Variants in PDE10A observed in about 807,000 individuals in gnomAD.
The protein encoded by PDE10A is phosphodiesterase 10A, also known as cAMP and cAMP-inhibited cGMP 3',5'-cyclic phosphodiesterase 10A.
PDE10A carries 39 observed loss-of-function variants against 97.7 expected under a neutral mutation model. The ratio of observed to expected loss-of-function variants is 0.40; its 90% CI spans 0.31 to 0.52. The LOEUF (loss-of-function observed/expected upper bound fraction) is 0.52. Ranked by LOEUF, PDE10A falls within the 20% of genes least tolerant of loss-of-function variation. The probability of loss-of-function intolerance (pLI) is 0.56; values close to 1 mark genes in which losing one functional copy is unlikely to be tolerated. For missense variants in PDE10A, 731 were observed against 1,047.8 expected, an observed-to-expected ratio of 0.70 and a Z score of 4.17; for synonymous variants, 371 against 376.8, an observed-to-expected ratio of 0.98 and a Z score of 0.18.
chr6:165,432,289 G>A (rs1789629726), intron 7 of PDE10A, among the ~76,000 whole-genome samples: 1 of 152,164 alleles, frequency 6.6e-6, no homozygotes, highest in Admixed American at 6.5e-5. Context: ...GTTCAGGGAG[G>A]GCCTTATAGA....
At chr6:165,689,972 C>T (rs1791227058) in intron 1 of PDE10A, among the ~76,000 whole-genome samples, 2 of 152,280 alleles carry the variant, frequency 1.3e-5, no homozygotes, top group South Asian at 2.1e-4. Context: ...AAGTAAGATA[C>T]TTTAATTTCA....
At position 165,853,094 on chromosome 6, in the gene PDE10A, C is replaced by T. The variant is rs533649148; in HGVS notation, c.-615+134435G>A. Among the ~76,000 whole-genome samples, 4 of 152,346 alleles carry T rather than the reference C, an allele frequency of 2.6e-5. No homozygotes were observed. The South Asian group carries it at 6.2e-4, about 24-fold the overall frequency. ...CCTCATTTTGCATCTTCTCTGAACA[C>T]GGTATCTGCTGTCGACCCGGAGTCT... On this transcript the variant is annotated intron_variant, in intron 1 of 19. Coordinates refer to the PDE10A transcript ENST00000366882.
At chr6:165,659,517 C>G (rs1315326879) in intron 1 of PDE10A, among the ~76,000 whole-genome samples, 4 of 152,224 alleles carry the variant, frequency 2.6e-5, no homozygotes, top group Admixed American at 6.5e-5. Context: ...ATTGGCTACT[C>G]TCTTTTAATA....
At chr6:165,652,792 A>G (rs1310870357) in intron 1 of PDE10A, among the ~76,000 whole-genome samples, 1 of 152,222 alleles carries the variant, frequency 6.6e-6, no homozygotes. Flanking sequence ...ATATTCAAAC[A>G]CGTCAGCCCT....
intron 1 of PDE10A, among the ~76,000 whole-genome samples, chr6:165,767,689 A>C (rs1216783859): frequency 6.6e-6 from 1 of 152,164 alleles, no homozygotes; most frequent in Non-Finnish European, 1.5e-5. Flanking sequence ...TCATTATTTG[A>C]TAGACATTTG....
intron 1 of PDE10A, among the ~76,000 whole-genome samples, chr6:165,946,459 A>G (rs543739642): frequency 6.6e-6 from 1 of 151,518 alleles, no homozygotes; most frequent in Non-Finnish European, 1.5e-5. Context: ...GCGCCACTGC[A>G]CTCCAGCCTG....
chr6:165,357,594 A>G (rs1239954368), intron 18 of PDE10A, among the ~76,000 whole-genome samples: 1 of 152,096 alleles, frequency 6.6e-6, no homozygotes, highest in African/African-American at 2.4e-5. Context: ...GTTCAAGTAT[A>G]GTAAGCTGGA....
chr6:165,621,858 T>C lies in PDE10A; in HGVS notation c.865+40089A>G, dbSNP rs1322765478. The stretch of plus-strand genomic sequence containing the variant: ...CTCCCTCACATGGTATCACAGCCAC[T>C]GCCTTCTCACTGTGATGGTTAACTC... On this transcript the variant is annotated intron_variant, in intron 1 of 21. Transcript: ENST00000539869. 2.0e-5 allele frequency among the ~76,000 whole-genome samples: 3 copies of C among 152,178 alleles called. No individual in the cohort carries two copies. In the East Asian group the frequency reaches 5.8e-4, roughly 29 times the overall value.
chr6:165,843,748 C>T (rs998214106), intron 1 of PDE10A, among the ~76,000 whole-genome samples: 16 of 152,148 alleles, frequency 1.1e-4, no homozygotes, highest in East Asian at 3.9e-4. Flanking sequence ...GGAATGTTGG[C>T]GCGACAGGTG....
intron 1 of PDE10A, among the ~76,000 whole-genome samples, chr6:165,683,573 A>G (rs1200785708): frequency 6.6e-6 from 1 of 152,136 alleles, no homozygotes; most frequent in East Asian, 1.9e-4. Context: ...GTTCCAAATA[A>G]CTGAATATTA....
intron 10 of PDE10A, among the ~76,000 whole-genome samples, chr6:165,419,511 G>A (rs894657970): frequency 2.6e-5 from 4 of 152,156 alleles, no homozygotes; most frequent in African/African-American, 9.7e-5. Flanking sequence ...GTAAATGGTA[G>A]CAGTATTTGA....
At chr6:165,567,993 C>CCTTTTTTTTTTTTTTTTT (rs370865492) in intron 1 of PDE10A, among the ~76,000 whole-genome samples, 1 of 115,602 alleles carries the variant, frequency 8.7e-6, no homozygotes. Flanking sequence ...CGCAACAAGG[C>CCTTTTTTTTTTTTTTTTT]ATTTTTTTTT....
intron 1 of PDE10A, among the ~76,000 whole-genome samples, chr6:165,923,060 C>G (rs1234147328): frequency 1.3e-5 from 2 of 152,160 alleles, no homozygotes; most frequent in Admixed American, 1.3e-4. Context: ...GTACTATTAA[C>G]AAAGCACTCT....
At chr6:165,659,221 G>A (rs1040385807) in intron 1 of PDE10A, among the ~76,000 whole-genome samples, 1 of 151,774 alleles carries the variant, frequency 6.6e-6, no homozygotes, top group Admixed American at 6.6e-5. Flanking sequence ...ACAGTAACTG[G>A]ACAAAACAGC....
At chr6:165,737,786 C>T (rs771345442) in intron 1 of PDE10A, among the ~76,000 whole-genome samples, 3 of 152,144 alleles carry the variant, frequency 2.0e-5, no homozygotes, top group Non-Finnish European at 4.4e-5. Context: ...CAATACAGTA[C>T]TAGAAGTCCT....
At position 165,482,479 on chromosome 6, in the gene PDE10A, A is replaced by AT. The variant is rs375946235; in HGVS notation, c.995-137dup. On this transcript the variant is annotated intron_variant, in intron 2 of 21. Coordinates refer to ENST00000539869, the MANE Select transcript of PDE10A (RefSeq NM_001385079.1). ...TCCTCTTACGAAATCTATGAATTTG[A>AT]TTTTTTAAACTGTAAAGGTTGAACA... The AT allele has an allele frequency of 2.7e-4, 194 of 710,956 alleles. No homozygotes were observed. In the African/African-American group the frequency reaches 3.0e-3, roughly 11 times the overall value. The allele number at this position is 710,956 out of a possible 1,614,324, so 44.0% of individuals were successfully genotyped here. A position where few individuals can be genotyped will look rare whatever the true frequency, so the allele number is the denominator to read the frequency against.
intron 1 of PDE10A, among the ~76,000 whole-genome samples, chr6:165,690,448 C>T (rs960161797): frequency 1.3e-5 from 2 of 152,194 alleles, no homozygotes; most frequent in Non-Finnish European, 2.9e-5. Flanking sequence ...CTGCCTTCAG[C>T]CTGGCTCTCC....
At chr6:165,699,828 A>C (rs888902326) in intron 1 of PDE10A, among the ~76,000 whole-genome samples, 2 of 152,184 alleles carry the variant, frequency 1.3e-5, no homozygotes, top group African/African-American at 4.8e-5. Flanking sequence ...ACGCAGCTAA[A>C]ACAGTGCTTA....
At chr6:165,513,467 C>T (rs893164234) in intron 2 of PDE10A, among the ~76,000 whole-genome samples, 2 of 152,038 alleles carry the variant, frequency 1.3e-5, no homozygotes, top group African/African-American at 4.8e-5. Context: ...TCATGTAATG[C>T]AAATCCTTCA....
Sources: allele counts gnomAD v4.1 joint callset (sites outside exome capture counted in the v4.1 genomes callset), GRCh38; gene constraint gnomAD v4.1.1; transcripts MANE v1.5; gene names NCBI Gene and HGNC (gene_info 2026-07-23, HGNC 2026-07-21).